OBSL1: variants seen among roughly 807,000 people sequenced by gnomAD.
The protein encoded by OBSL1 is obscurin like cytoskeletal adaptor 1.
Under a neutral mutation model 172.0 loss-of-function variants are expected in OBSL1, and 160 were observed. The ratio of observed to expected loss-of-function variants is 0.93; its 90% CI spans 0.82 to 1.06. OBSL1 has a LOEUF of 1.06. Ranked by LOEUF, OBSL1 falls within the 50% of genes least tolerant of loss-of-function variation. OBSL1 has a pLI of 0.00. For missense variants in OBSL1, 2,681 were observed against 2,715.4 expected, an observed-to-expected ratio of 0.99 and a Z score of 0.28; for synonymous variants, 1,200 against 1,196.3, an observed-to-expected ratio of 1.00 and a Z score of -0.06.
At position 219,570,442 on chromosome 2, in the gene OBSL1, T is replaced by C; in HGVS notation, c.791A>G (p.Lys264Arg). The C allele has an allele frequency of 1.2e-6, 2 of 1,613,066 alleles. No individual in the cohort carries two copies. The highest frequency in any genetic ancestry group is 1.7e-6 in the Non-Finnish European group (2 of 1,179,556). ...CTTGCCCATCACGTAGCAGCGGAAC[T>C]TGGCGTGCTTGCCCTCGTTCACCCA... ...TFWVNEGKHA[K>R]FRCYVMGKPE... The change falls in exon 1 of 21, where the codon AAG becomes AGG. Residue 264 changes from lysine (K) to arginine (R), a missense_variant. Lys to Arg is a conservative substitution (Grantham distance 26). Coordinates refer to ENST00000404537, the MANE Select transcript of OBSL1 (RefSeq NM_015311.3).
intron 5 of OBSL1, among the ~76,000 whole-genome samples, chr2:219,566,122 TCTGC>T (rs1232221272): frequency 2.0e-5 from 3 of 152,230 alleles, no homozygotes; most frequent in Non-Finnish European, 2.9e-5. Context: ...ACTTAACGTA[TCTGC>T]CTGTTTCCCC....
downstream of OBSL1, among the ~76,000 whole-genome samples, chr2:219,548,649 C>T (rs941752980): frequency 6.6e-6 from 1 of 152,090 alleles, no homozygotes; most frequent in Non-Finnish European, 1.5e-5. Context: ...GGTGTGGGAG[C>T]CAGAGTGATT....
In OBSL1 at chr2:219,557,486, C is replaced by T. The variant is rs755451604; in HGVS notation, c.3923G>A (p.Arg1308Gln). 3.5e-5 allele frequency: 54 copies of T among 1,552,598 alleles called. No homozygotes were observed. Among genetic ancestry groups the T allele is most frequent in the East Asian group, 9.7e-5 (4 of 41,096 alleles). The part of the protein sequence containing the change: ...GPVRWYKDGE[R>Q]LASQGRVQLE... ...CTGCACCCGCCCCTGGCTTGCCAGT[C>T]GCTCCCCGTCCTTGTACCAGCGTAC... is the stretch of plus-strand genomic sequence containing the variant. The change falls in exon 12 of 21, where the codon CGA (arginine) becomes CAA (glutamine). Residue 1308 changes from arginine to glutamine, a missense_variant. Arg to Gln is a conservative substitution (Grantham distance 43). Transcript: ENST00000404537.
chr2:219,557,732 G>A (rs761073953), intron 11 of OBSL1, 91 bp downstream of exon 11: 3 of 1,539,248 alleles, frequency 1.9e-6, no homozygotes, highest in Non-Finnish European at 2.6e-6. Flanking sequence ...GATGGGCAAG[G>A]CATGCTGGAA....
chr2:219,568,125 T>C lies in OBSL1; in HGVS notation c.1212A>G (p.Ala404=). The change falls in exon 2 of 21, where the codon GCA becomes GCG. Residue 404 remains alanine (A), a synonymous_variant. Transcript: ENST00000404537. This position sits in a 1 kb window ranked among gnomAD's most constrained non-coding sequence, Gnocchi z 4.1. ...VRRLIIHRLK[A]DDDGIYLCEM... ...CGCACAGGTAGATACCATCATCGTC[T>C]GCCTTCAGCCTGTGGATGATGAGGC... is the stretch of plus-strand genomic sequence containing the variant. 6.2e-7 allele frequency: 1 copy of C among 1,613,838 alleles called. No individual in the cohort carries two copies. Among genetic ancestry groups the C allele is most frequent in the Non-Finnish European group, 8.5e-7 (1 of 1,179,890 alleles).
At chr2:219,554,920 G>A in intron 14 of OBSL1, 180 bp from the exon 15 acceptor site, 1 of 643,322 alleles carries the variant, frequency 1.6e-6, no homozygotes, top group East Asian at 2.8e-5. Context: ...TTGGCGGGGG[G>A]AGGGCTGTAT....
At position 219,551,750 on chromosome 2, in the gene OBSL1, A is replaced by G; in HGVS notation, c.5462T>C (p.Leu1821Pro). The change falls in exon 20 of 21, where the codon CTG becomes CCG. Residue 1821 changes from leucine (L) to proline (P), a missense_variant. This residue lies in a region of OBSL1 where 1,765 missense variants were observed against 1,748.3 expected (regional missense o/e 1.01). Coordinates refer to ENST00000404537, the MANE Select transcript of OBSL1 (RefSeq NM_015311.3). ...CRHPPREKTV[L>P]VGRRAVLEVT... ...CTCCAGCACCGCCCGGCGGCCCACC[A>G]GAACGGTCTTCTCGCGAGGGGGGTG... 6.3e-7 allele frequency: 1 copy of G among 1,599,382 alleles called. No individual in the cohort carries two copies. The highest frequency in any genetic ancestry group is 8.5e-7 in the Non-Finnish European group (1 of 1,171,130).
chr2:219,559,125 G>T (rs1696262371), intron 9 of OBSL1, 100 bp downstream of exon 9: 2 of 1,179,074 alleles, frequency 1.7e-6, no homozygotes, highest in Non-Finnish European at 2.4e-6. Flanking sequence ...CTGGATAAGG[G>T]GAAGGCTGGG....
At position 219,553,600 on chromosome 2, in the gene OBSL1, C is replaced by T; in HGVS notation, c.4963G>A (p.Ala1655Thr). ...TATFECELSQ[A>T]LADVTWEKDG... ...TTCTCCCAGGTAACATCAGCCAAAG[C>T]TTGGGAAAGCTCGCACTCGAACGTA... is the stretch of plus-strand genomic sequence containing the variant. The change falls in exon 16 of 21, where the codon GCT becomes ACT. Residue 1655 changes from alanine (A) to threonine (T), a missense_variant. This residue lies in a region of OBSL1 where 1,765 missense variants were observed against 1,748.3 expected (regional missense o/e 1.01). Transcript: ENST00000404537. 6.2e-7 allele frequency: 1 copy of T among 1,613,858 alleles called. No homozygotes were observed. The highest frequency in any genetic ancestry group is 8.5e-7 in the Non-Finnish European group (1 of 1,179,864).
Position 219,570,552 on chromosome 2 carries a change from G to C in OBSL1, c.681C>G (p.His227Gln). The C allele has an allele frequency of 6.3e-7, 1 of 1,593,786 alleles. No homozygotes were observed. The highest frequency in any genetic ancestry group is 8.5e-7 in the Non-Finnish European group (1 of 1,171,530). The change falls in exon 1 of 21, where the codon CAC (histidine) becomes CAG (glutamine). Residue 227 changes from histidine to glutamine, a missense_variant. Transcript: ENST00000404537. ...CCGCGGGCGGGCTCTCGGGGGGCTG[G>C]TGCACCTGGAGCAGCGCCCCCGCCT... ...HAQAGALLQVHQPPESPPADP... is the reference protein window; with the variant it reads ...HAQAGALLQVQQPPESPPADP...
rs755935565 is a variant in OBSL1, at chr2:219,552,101, C to T, written c.5413+11G>A. 16 of 1,600,070 alleles carry T rather than the reference C, an allele frequency of 1.0e-5. No homozygotes were observed. In the Admixed American group the frequency reaches 1.9e-4, roughly 19 times the overall value. ...TGTACACTCTCTGTCGCTCCCACCC[C>T]AGGTGCTTACCCTCCACTTCCAGTA... is the stretch of plus-strand genomic sequence containing the variant. On this transcript the variant is annotated intron_variant, in intron 19 of 20. Coordinates refer to ENST00000404537, the MANE Select transcript of OBSL1 (RefSeq NM_015311.3).
chr2:219,558,645 C>T lies in OBSL1; in HGVS notation c.3227-186G>A, dbSNP rs13401387. On this transcript the variant is annotated intron_variant, in intron 9 of 20. Coordinates refer to ENST00000404537, the MANE Select transcript of OBSL1 (RefSeq NM_015311.3). ...AACCCTGTGTTTTTTCAATCAGTTA[C>T]TCTGACCACCCTCAAGAGGTGCACA... Among the ~76,000 whole-genome samples the T allele has an allele frequency of 0.46, 69,299 of 152,112 alleles. 16,107 individuals carry two copies. The highest frequency in any genetic ancestry group is 0.5 in the Admixed American group (7,636 of 15,286).
At position 219,553,081 on chromosome 2, in the gene OBSL1, G is replaced by A. The variant is rs965342084; in HGVS notation, c.4990-57C>T. On this transcript the variant is annotated intron_variant, in intron 16 of 20. Coordinates refer to ENST00000404537, the MANE Select transcript of OBSL1 (RefSeq NM_015311.3). The stretch of plus-strand genomic sequence containing the variant: ...AGCCCGGCTGGGCACAGGCGACCCC[G>A]GCCCTGGCAGGCGGCGCACCCTTTG... 4 of 1,408,816 alleles carry A rather than the reference G, an allele frequency of 2.8e-6. No homozygotes were observed. In the African/African-American group the frequency reaches 6.1e-5, roughly 21 times the overall value. The allele number at this position is 1,408,816 out of a possible 1,614,324, so 87.3% of individuals were successfully genotyped here. A position where few individuals can be genotyped will look rare whatever the true frequency, so the allele number is the denominator to read the frequency against.
Position 219,559,465 on chromosome 2 carries a change from C to A in OBSL1, c.2986G>T (p.Glu996Ter). ...PPVRIIYPRDEVTLIAVTLEC... is the reference protein window; with the variant it reads ...PPVRIIYPRD ...AAGGTCACGGCGATCAAGGTCACCT[C>A]ATCGCGAGGGTATATGATCCGCACT... is the stretch of plus-strand genomic sequence containing the variant. The change falls in exon 9 of 21, where the codon GAG becomes TAG. Residue 996 changes from glutamate (E) to a stop codon, truncating the protein, a stop_gained. Coordinates refer to ENST00000404537, the MANE Select transcript of OBSL1 (RefSeq NM_015311.3). LOFTEE classifies it high-confidence loss of function. The A allele has an allele frequency of 1.2e-6, 2 of 1,613,880 alleles. No individual in the cohort carries two copies. Among genetic ancestry groups the A allele is most frequent in the Non-Finnish European group, 1.7e-6 (2 of 1,179,824 alleles).
At chr2:219,549,627 G>A, downstream of OBSL1, 1 of 1,571,870 alleles carries the variant, frequency 6.4e-7, no homozygotes, top group Non-Finnish European at 8.7e-7. Context: ...GCAGTCTATA[G>A]AAGTGTCAGG....
chr2:219,568,427 C>G lies in OBSL1; in HGVS notation c.1013-103G>C. 1 of 1,161,364 alleles carries G rather than the reference C, an allele frequency of 8.6e-7. No homozygotes were observed. The highest frequency in any genetic ancestry group is 1.2e-6 in the Non-Finnish European group (1 of 843,144). The allele number at this position is 1,161,364 out of a possible 1,614,324, so 71.9% of individuals were successfully genotyped here. On this transcript the variant is annotated intron_variant, in intron 1 of 20. Transcript: ENST00000404537. The surrounding 1 kb of genome is among the most constrained non-coding windows in gnomAD (Gnocchi z 4.1). ...TAGCTCATGCTGTGTGCTCTTCATG[C>G]AGAGCCAGCGGGCACTGTGGAATCA... is the stretch of plus-strand genomic sequence containing the variant.
chr2:219,551,484 C>A, intron 20 of OBSL1, 45 bp downstream of exon 20: 1 of 1,529,770 alleles, frequency 6.5e-7, no homozygotes, highest in South Asian at 1.2e-5. Flanking sequence ...CATCAGCTCC[C>A]AGGCGCCCTC....
rs1321480975 is a variant in OBSL1, at chr2:219,570,373, A to C, written c.860T>G (p.Leu287Arg). 7 of 1,612,804 alleles carry C rather than the reference A, an allele frequency of 4.3e-6. No homozygotes were observed. Among genetic ancestry groups the C allele is most frequent in the Non-Finnish European group, 5.9e-6 (7 of 1,179,590 alleles). The change falls in exon 1 of 21, where the codon CTC (leucine) becomes CGC (arginine). Residue 287 changes from leucine to arginine, a missense_variant. Around this residue, in one of 5 missense-constraint regions of OBSL1, gnomAD observed 706 missense variants for 695.8 expected, o/e 1.01. Coordinates refer to ENST00000404537, the MANE Select transcript of OBSL1 (RefSeq NM_015311.3). ...GTACATGAGGCGGCGGCGGTCCGGG[A>C]GCAGCGGGCGGCCCTCCCAGTGCCA... ...IEWHWEGRPL[L>R]PDRRRLMYRD...
rs1696017552 is a variant in OBSL1 at position 219,556,509 on chromosome 2, C to T, written c.4281G>A (p.Gly1427=). The change falls in exon 13 of 21, where the codon GGG becomes GGA. Residue 1427 remains glycine (G), a synonymous_variant. Coordinates refer to ENST00000404537, the MANE Select transcript of OBSL1 (RefSeq NM_015311.3). ...TLRGCQLGDA[G]TVTLRAGSTA... The stretch of plus-strand genomic sequence containing the variant: ...TGCTCCCTGCCCGCAAAGTCACGGT[C>T]CCTGCATCCCCCAGTTGGCAGCCTC... 1.2e-6 allele frequency: 2 copies of T among 1,613,898 alleles called. No individual in the cohort carries two copies. The highest frequency in any genetic ancestry group is 1.7e-6 in the Non-Finnish European group (2 of 1,179,886).
Sources: allele counts gnomAD v4.1 joint callset (sites outside exome capture counted in the v4.1 genomes callset), GRCh38; gene constraint gnomAD v4.1.1; regional missense constraint gnomAD v4.1.1; non-coding constraint Gnocchi (gnomAD v3.1); transcripts MANE v1.5; gene names NCBI Gene and HGNC (gene_info 2026-07-23, HGNC 2026-07-21).